The following SRPK2 variants were observed in gnomAD, a reference collection of about 807,000 sequenced individuals.
SRPK2 encodes SFRS protein kinase 2.
SRPK2 carries 21 observed loss-of-function variants against 90.8 expected under a neutral mutation model. That is an observed-to-expected ratio of 0.23 (90% confidence interval 0.16 to 0.33). The LOEUF is 0.33. Among genes scored for constraint, SRPK2 ranks in the 10% least tolerant of loss-of-function variants. SRPK2 has a pLI of 1.00. For missense variants in SRPK2, 620 were observed against 869.0 expected (o/e 0.71, Z 3.60); for synonymous variants, 288 against 311.1 (o/e 0.93, Z 0.78).
intron 3 of SRPK2, among the ~76,000 whole-genome samples, chr7:105,185,485 C>T (rs1353840743): frequency 6.6e-6 from 1 of 152,080 alleles, no homozygotes; most frequent in Non-Finnish European, 1.5e-5. Flanking sequence ...TATTATAGCA[C>T]ATATCCATGT....
chr7:105,362,582 C>G (rs191523124), intron 2 of SRPK2, among the ~76,000 whole-genome samples: 1 of 151,152 alleles, frequency 6.6e-6, no homozygotes, highest in Admixed American at 6.6e-5. Context: ...AATAGGAACA[C>G]TTTTAAACTG....
intron 2 of SRPK2, among the ~76,000 whole-genome samples, chr7:105,343,052 A>T (rs1816016782): frequency 6.6e-6 from 1 of 152,236 alleles, no homozygotes; most frequent in African/African-American, 2.4e-5. Flanking sequence ...TTTGCAGATA[A>T]GTGGTAAGAG....
In SRPK2 at chr7:105,143,155, T is replaced by C; in HGVS notation, c.989A>G (p.Tyr330Cys). ...TGTTTTTAGTTTCACCTCTGGGCAG[T>C]ATTCGCCATCCTGGTCATTGGAAGG... Reference protein sequence around the residue: ...AAPSNDQDGEYCPEVKLKTTG... With the variant: ...AAPSNDQDGECCPEVKLKTTG... Residue 330 changes from tyrosine to cysteine, a missense_variant, in exon 10 of 16, where the codon TAC becomes TGC. By Grantham distance (194) the Tyr-to-Cys change is radical. This residue lies in a region of SRPK2 where 243 missense variants were observed against 245.7 expected (regional missense o/e 0.99). Coordinates refer to ENST00000393651, the MANE Select transcript of SRPK2 (RefSeq NM_182692.3). 1 of 1,614,210 alleles carries C rather than the reference T, an allele frequency of 6.2e-7. No homozygotes were observed. The highest frequency in any genetic ancestry group is 8.5e-7 in the Non-Finnish European group (1 of 1,180,024).
At chr7:105,196,899 A>T (rs1362494320) in intron 3 of SRPK2, among the ~76,000 whole-genome samples, 3 of 151,882 alleles carry the variant, frequency 2.0e-5, no homozygotes, top group African/African-American at 7.3e-5. Flanking sequence ...AAAATACAAA[A>T]ATCAGCTGAG....
intron 11 of SRPK2, among the ~76,000 whole-genome samples, chr7:105,134,057 T>C (rs1022066156): frequency 8.5e-5 from 13 of 152,110 alleles, no homozygotes; most frequent in African/African-American, 3.1e-4. Flanking sequence ...AGATTTCTGG[T>C]AAAGATGAAA....
chr7:105,240,695 T>G (rs894115842), intron 2 of SRPK2, among the ~76,000 whole-genome samples: 2 of 152,192 alleles, frequency 1.3e-5, no homozygotes, highest in African/African-American at 4.8e-5. Flanking sequence ...CACTTGACTC[T>G]AAAAATGGGA....
At chr7:105,303,055 C>A (rs1243123655) in intron 2 of SRPK2, among the ~76,000 whole-genome samples, 1 of 151,562 alleles carries the variant, frequency 6.6e-6, no homozygotes, top group Non-Finnish European at 1.5e-5. Flanking sequence ...GCCTGGGCGA[C>A]AGAACAAGAC....
At chr7:105,204,663 TG>T in intron 2 of SRPK2, 2 of 964,340 alleles carry the variant, frequency 2.1e-6, no homozygotes, top group Non-Finnish European at 3.1e-6. Context: ...TGCCATTCCT[TG>T]GGGCATTTCT....
intron 3 of SRPK2, among the ~76,000 whole-genome samples, chr7:105,178,982 A>G (rs1792375535): frequency 6.6e-6 from 1 of 152,302 alleles, no homozygotes; most frequent in South Asian, 2.1e-4. Context: ...GTGAATGTAA[A>G]TTGTGCTTTA....
At chr7:105,260,134 C>T (rs1178480764) in intron 2 of SRPK2, among the ~76,000 whole-genome samples, 3 of 151,972 alleles carry the variant, frequency 2.0e-5, no homozygotes, top group Admixed American at 1.3e-4. Context: ...TACAATCTAC[C>T]CATCTGACAA....
At chr7:105,383,591 T>C (rs946752038) in intron 2 of SRPK2, among the ~76,000 whole-genome samples, 2 of 151,580 alleles carry the variant, frequency 1.3e-5, no homozygotes, top group African/African-American at 4.9e-5. Context: ...AGGCAATTTT[T>C]GTATTTTTAG....
chr7:105,172,415 A>G (rs1563029705), intron 3 of SRPK2, among the ~76,000 whole-genome samples: 1 of 152,232 alleles, frequency 6.6e-6, no homozygotes, highest in Non-Finnish European at 1.5e-5. Flanking sequence ...TTGAACAAAG[A>G]AAAGCAGATT....
chr7:105,319,204 A>G (rs1812628768), intron 2 of SRPK2, among the ~76,000 whole-genome samples: 1 of 152,198 alleles, frequency 6.6e-6, no homozygotes, highest in Non-Finnish European at 1.5e-5. Flanking sequence ...TTTAAATTCT[A>G]CACGTTAATC....
In SRPK2 at chr7:105,142,229, G is replaced by A; in HGVS notation, c.1322C>T (p.Ser441Phe). ...NAESDYTYSS[S>F]YEQFNGELPN... is the part of the protein sequence containing the mutation. ...CAATTCACCATTGAATTGTTCATAG[G>A]AGCTGCTATATGTGTAATCACTTTC... The change falls in exon 11 of 16, where the codon TCC becomes TTC. Residue 441 changes from serine (S) to phenylalanine (F), a missense_variant. Around this residue, in one of 8 missense-constraint regions of SRPK2, gnomAD observed 243 missense variants for 245.7 expected, o/e 0.99. Transcript: ENST00000393651. The A allele has an allele frequency of 6.2e-7, 1 of 1,614,050 alleles. No homozygotes were observed. Among genetic ancestry groups the A allele is most frequent in the Non-Finnish European group, 8.5e-7 (1 of 1,180,016 alleles).
At chr7:105,334,142 C>T (rs1338265097) in intron 2 of SRPK2, among the ~76,000 whole-genome samples, 3 of 152,102 alleles carry the variant, frequency 2.0e-5, no homozygotes, top group African/African-American at 7.2e-5. Flanking sequence ...AGTGCAGTGG[C>T]GCAATCTCGG....
chr7:105,161,733 C>T (rs1204627290), intron 6 of SRPK2, among the ~76,000 whole-genome samples: 1 of 152,182 alleles, frequency 6.6e-6, no homozygotes, highest in South Asian at 2.1e-4. Flanking sequence ...ACATAAAACA[C>T]ATTATAAAAT....
intron 2 of SRPK2, among the ~76,000 whole-genome samples, chr7:105,256,119 T>A (rs1477603375): frequency 6.6e-6 from 1 of 152,226 alleles, no homozygotes; most frequent in Non-Finnish European, 1.5e-5. Flanking sequence ...AGCATCAAGA[T>A]AATTTTACTT....
intron 2 of SRPK2, chr7:105,304,515 T>C (rs1810938237): frequency 6.6e-6 from 1 of 152,214 alleles, no homozygotes; most frequent in South Asian, 2.1e-4. Context: ...TCTCAGACCA[T>C]AAACCACAGA....
chr7:105,238,563 G>A (rs1484591873), intron 2 of SRPK2, among the ~76,000 whole-genome samples: 2 of 152,168 alleles, frequency 1.3e-5, no homozygotes, highest in African/African-American at 4.8e-5. Flanking sequence ...TGATCCAGTG[G>A]TTTGCCCACA....
Sources: allele counts gnomAD v4.1 joint callset (sites outside exome capture counted in the v4.1 genomes callset), GRCh38; gene constraint gnomAD v4.1.1; regional missense constraint gnomAD v4.1.1; transcripts MANE v1.5; gene names NCBI Gene and HGNC (gene_info 2026-07-23, HGNC 2026-07-21).